Variants in YWHAG observed in about 807,000 individuals in gnomAD.
The protein encoded by YWHAG is tyrosine 3-monooxygenase/tryptophan 5-monooxygenase activation protein gamma.
In YWHAG, 1 loss-of-function variant was observed where a neutral mutation model predicts 23.3. The observed-to-expected ratio is 0.04, with a 90% CI of 0.02 to 0.20. The LOEUF is 0.20. Among genes scored for constraint, YWHAG ranks in the 10% least tolerant of loss-of-function variants. The pLI is 1.00. For missense variants in YWHAG, 151 were observed against 338.6 expected (o/e 0.45, Z 4.35); for synonymous variants, 160 against 144.0 (o/e 1.11, Z -0.80).
At chr7:76,345,669 G>A (rs1039559453) in intron 1 of YWHAG, among the ~76,000 whole-genome samples, 4 of 151,910 alleles carry the variant, frequency 2.6e-5, no homozygotes, top group African/African-American at 4.8e-5. Context: ...GAGGCCTGGC[G>A]CAGTGGCTCA....
Position 76,358,978 on chromosome 7 carries a change from C to A in YWHAG, c.-170G>T. On this transcript the variant is annotated 5_prime_UTR_variant, in exon 1 of 2. Coordinates refer to ENST00000307630, the MANE Select transcript of YWHAG (RefSeq NM_012479.4). ...CTGGAGCTGCGACCGCGGGACCGGG[C>A]GCGAGGCGGCTGCGGCTGCTGTGCG... 4 of 517,638 alleles carry A rather than the reference C, an allele frequency of 7.7e-6. No individual in the cohort carries two copies. The highest frequency in any genetic ancestry group is 9.5e-6 in the Non-Finnish European group (3 of 315,268). 32.1% of individuals were successfully genotyped at this position (517,638 alleles called of 1,614,324 possible).
chr7:76,353,785 C>T (rs188519491), intron 1 of YWHAG, among the ~76,000 whole-genome samples: 178 of 151,804 alleles, frequency 1.2e-3, no homozygotes, highest in Non-Finnish European at 2.2e-3. Context: ...AATTATAGAC[C>T]GGGCTGGGTG....
intron 1 of YWHAG, among the ~76,000 whole-genome samples, chr7:76,344,943 C>A (rs1197810773): frequency 6.6e-6 from 1 of 152,180 alleles, no homozygotes. Flanking sequence ...CCAGCAACTC[C>A]ATTCTTTCTG....
chr7:76,339,680 C>T (rs965765306), intron 1 of YWHAG, among the ~76,000 whole-genome samples: 2 of 152,118 alleles, frequency 1.3e-5, no homozygotes, highest in African/African-American at 4.8e-5. Flanking sequence ...CAAGCCCAAT[C>T]CTCTTTATCC....
At chr7:76,350,358 G>A (rs902432542) in intron 1 of YWHAG, among the ~76,000 whole-genome samples, 2 of 152,138 alleles carry the variant, frequency 1.3e-5, no homozygotes, top group African/African-American at 2.4e-5. Flanking sequence ...TCCTGTACTA[G>A]TGAGGACCTT....
intron 1 of YWHAG, among the ~76,000 whole-genome samples, chr7:76,351,805 AC>A (rs1803878498): frequency 6.6e-6 from 1 of 152,216 alleles, no homozygotes; most frequent in Non-Finnish European, 1.5e-5. Context: ...TATAATTATT[AC>A]ATTACATACT....
At chr7:76,337,170 A>C (rs1803628501) in intron 1 of YWHAG, among the ~76,000 whole-genome samples, 1 of 152,210 alleles carries the variant, frequency 6.6e-6, no homozygotes. Context: ...GTCTTTCGAA[A>C]GGCCTGCTTA....
At chr7:76,347,103 G>A (rs898103503) in intron 1 of YWHAG, among the ~76,000 whole-genome samples, 4 of 151,956 alleles carry the variant, frequency 2.6e-5, no homozygotes, top group Admixed American at 6.6e-5. Context: ...CCTCCCTGAC[G>A]ACCAGTGTCA....
intron 1 of YWHAG, among the ~76,000 whole-genome samples, chr7:76,342,086 A>C (rs1184366270): frequency 6.6e-6 from 1 of 152,150 alleles, no homozygotes; most frequent in Non-Finnish European, 1.5e-5. Context: ...CTTACATTTA[A>C]TCCTCCTCTT....
chr7:76,345,186 T>C (rs1298803237), intron 1 of YWHAG, among the ~76,000 whole-genome samples: 3 of 118,006 alleles, frequency 2.5e-5, no homozygotes, highest in South Asian at 3.1e-4. Context: ...ATCCTAAGGC[T>C]TTTTTTTTTT....
chr7:76,353,644 GT>G (rs1159544893), intron 1 of YWHAG, among the ~76,000 whole-genome samples: 1 of 152,124 alleles, frequency 6.6e-6, no homozygotes, highest in Non-Finnish European at 1.5e-5. Context: ...TGTTTTGGTA[GT>G]TAATCAAAAT....
intron 1 of YWHAG, among the ~76,000 whole-genome samples, chr7:76,345,917 G>A (rs1338552281): frequency 6.6e-6 from 1 of 151,864 alleles, no homozygotes; most frequent in East Asian, 1.9e-4. Context: ...CTCCAGCCTG[G>A]GCTACAGAGT....
In YWHAG at chr7:76,330,244, G is replaced by A. The variant is rs1300016497; in HGVS notation, c.88-11C>T. The A allele has an allele frequency of 6.2e-7, 1 of 1,607,300 alleles. No homozygotes were observed. Among genetic ancestry groups the A allele is most frequent in the Non-Finnish European group, 8.5e-7 (1 of 1,178,640 alleles). ...ATTCAGCTCTGTCACCTGCCAGGAG[G>A]AAAGAACAGAGTTGTTATGGTACAG... On this transcript the variant is annotated splice_polypyrimidine_tract_variant and intron_variant, in intron 1 of 1. Coordinates refer to ENST00000307630, the MANE Select transcript of YWHAG (RefSeq NM_012479.4).
At chr7:76,332,521 T>C (rs1464417782) in intron 1 of YWHAG, among the ~76,000 whole-genome samples, 2 of 152,030 alleles carry the variant, frequency 1.3e-5, no homozygotes, top group Admixed American at 6.6e-5. Flanking sequence ...AATAAGAAAG[T>C]CTTTTTTTGT....
In YWHAG at chr7:76,329,874, G is replaced by A. The variant is rs773262966; in HGVS notation, c.447C>T (p.Ser149=). Residue 149 remains serine (S), a synonymous_variant, in exon 2 of 2, where the codon TCC becomes TCT. Transcript: ENST00000307630. The surrounding 1 kb of genome is among the most constrained non-coding windows in gnomAD (Gnocchi z 6.1). ...TGEKRATVVE[S]SEKAYSEAHE... ...GGGCTTCGCTGTAGGCCTTCTCGGA[G>A]GACTCCACCACCGTCGCCCTTTTCT... 1 of 1,613,858 alleles carries A rather than the reference G, an allele frequency of 6.2e-7. No individual in the cohort carries two copies. The highest frequency in any genetic ancestry group is 1.3e-5 in the African/African-American group (1 of 74,844).
intron 1 of YWHAG, among the ~76,000 whole-genome samples, chr7:76,356,470 G>GT (rs2115660991): frequency 6.6e-6 from 1 of 152,206 alleles, no homozygotes; most frequent in South Asian, 2.1e-4. Context: ...AAAGGTTTTG[G>GT]AACGGGTTTT....
chr7:76,331,531 C>A (rs892445198), intron 1 of YWHAG, among the ~76,000 whole-genome samples: 3 of 151,780 alleles, frequency 2.0e-5, no homozygotes, highest in African/African-American at 7.3e-5. Flanking sequence ...TATTAAAACA[C>A]TGAGAATTCT....
intron 1 of YWHAG, among the ~76,000 whole-genome samples, chr7:76,339,819 C>T (rs1294271515): frequency 2.0e-5 from 3 of 151,884 alleles, no homozygotes; most frequent in Non-Finnish European, 4.4e-5. Context: ...CCAAGTGCGG[C>T]GGCTCACACC....
At chr7:76,330,938 C>A (rs1464972084) in intron 1 of YWHAG, among the ~76,000 whole-genome samples, 1 of 152,156 alleles carries the variant, frequency 6.6e-6, no homozygotes. Context: ...GCCCTCATCA[C>A]CCCCAAGGCT....
Sources: gnomAD v4.1 joint callset for allele counts (sites outside exome capture counted in the v4.1 genomes callset) on GRCh38, gnomAD v4.1.1 for gene constraint, Gnocchi (gnomAD v3.1) non-coding constraint, MANE v1.5 for transcripts, NCBI Gene and HGNC (gene_info 2026-07-23, HGNC 2026-07-21) for gene names.